The following RIMBP2 variants were observed in gnomAD, a reference collection of about 807,000 sequenced individuals.
The protein encoded by RIMBP2 is RIMS-binding protein 2.
In RIMBP2, 48 loss-of-function variants were observed where a neutral mutation model predicts 118.6. That is an observed-to-expected ratio of 0.40 (90% CI 0.32 to 0.51). The LOEUF (loss-of-function observed/expected upper bound fraction) is 0.51, where lower values mean the gene tolerates loss of function less well. Among genes scored for constraint, RIMBP2 ranks in the 20% least tolerant of loss-of-function variants. The probability of loss-of-function intolerance (pLI) is 0.41; values close to 1 mark genes in which losing one functional copy is unlikely to be tolerated. For missense variants in RIMBP2, 1,551 were observed against 1,768.3 expected, an observed-to-expected ratio of 0.88 and a Z score of 2.20; for synonymous variants, 762 against 742.9, an observed-to-expected ratio of 1.03 and a Z score of -0.42.
intron 2 of RIMBP2, among the ~76,000 whole-genome samples, chr12:130,551,675 A>G (rs1176337511): frequency 6.6e-6 from 1 of 152,224 alleles, no homozygotes; most frequent in Non-Finnish European, 1.5e-5. Flanking sequence ...TCTTGACAAA[A>G]GAAAATGCAC....
chr12:130,700,844 G>A (rs1187479396), intron 1 of RIMBP2, among the ~76,000 whole-genome samples: 1 of 152,206 alleles, frequency 6.6e-6, no homozygotes, highest in Admixed American at 6.5e-5. Context: ...AGCACCTCCT[G>A]TGCACACCTT....
chr12:130,397,203 G>A lies in RIMBP2; in HGVS notation c.*158C>T, dbSNP rs1593147047. 1.6e-5 allele frequency: 6 copies of A among 379,978 alleles called. No individual in the cohort carries two copies. The highest frequency in any genetic ancestry group is 4.1e-5 in the African/African-American group (2 of 48,240). 23.5% of individuals were successfully genotyped at this position (379,978 alleles called of 1,614,324 possible). On this transcript the variant is annotated 3_prime_UTR_variant, in exon 23 of 23. Transcript: ENST00000690449. ...AGAGCAACCGCTCCTCTTTGTTCTC[G>A]TGGTTGGTTTAAAGTGGTTGGTAGT...
At chr12:130,541,055 G>A (rs923089472) in intron 2 of RIMBP2, among the ~76,000 whole-genome samples, 1 of 152,146 alleles carries the variant, frequency 6.6e-6, no homozygotes, top group African/African-American at 2.4e-5. Flanking sequence ...GCTATCACAG[G>A]ATGGAAGAGG....
At chr12:130,481,962 C>T (rs2082055599) in intron 4 of RIMBP2, among the ~76,000 whole-genome samples, 1 of 152,140 alleles carries the variant, frequency 6.6e-6, no homozygotes, top group Non-Finnish European at 1.5e-5. Flanking sequence ...CACCGCCCAC[C>T]ACCAGTTCAC....
intron 1 of RIMBP2, among the ~76,000 whole-genome samples, chr12:130,636,139 C>G (rs1332083506): frequency 1.3e-5 from 2 of 152,182 alleles, no homozygotes; most frequent in Non-Finnish European, 2.9e-5. Flanking sequence ...CTCGGCCAGA[C>G]CTCACACTCG....
chr12:130,456,780 TACGTGTGC>T, intron 6 of RIMBP2, 80 bp from the exon 7 acceptor site: 9 of 1,104,694 alleles, frequency 8.1e-6, no homozygotes, highest in Non-Finnish European at 1.2e-5. Flanking sequence ...ACATGTGTTG[TACGTGTGC>T]ACATGTGCAC....
intron 2 of RIMBP2, among the ~76,000 whole-genome samples, chr12:130,529,921 C>G (rs992075576): frequency 6.6e-6 from 1 of 152,194 alleles, no homozygotes; most frequent in African/African-American, 2.4e-5. Flanking sequence ...AGCGATCATG[C>G]TTATTCGCCT....
Position 130,424,104 on chromosome 12 carries a change from T to C in RIMBP2, c.3129+38A>G. On this transcript the variant is annotated intron_variant, in intron 16 of 22. Coordinates refer to ENST00000690449, the MANE Select transcript of RIMBP2 (RefSeq NM_001393629.1). The surrounding 1 kb of genome is among the most constrained non-coding windows in gnomAD (Gnocchi z 9.8). ...AGTGAAAGGATGGGACAGATTGGTT[T>C]GGCAAGCGGCTGTGAAAAGGAAGTT... 1 of 1,114,752 alleles carries C rather than the reference T, an allele frequency of 9.0e-7. No individual in the cohort carries two copies. Among genetic ancestry groups the C allele is most frequent in the East Asian group, 3.2e-5 (1 of 31,120 alleles). The allele number at this position is 1,114,752 out of a possible 1,614,324, so 69.1% of individuals were successfully genotyped here.
intron 2 of RIMBP2, among the ~76,000 whole-genome samples, chr12:130,521,508 C>T (rs187732791): frequency 3.9e-5 from 6 of 152,350 alleles, no homozygotes; most frequent in Admixed American, 3.9e-4. Context: ...ACCAGCACGT[C>T]AGTCAGATCA....
intron 2 of RIMBP2, among the ~76,000 whole-genome samples, chr12:130,599,730 T>C (rs1208176631): frequency 2.0e-5 from 3 of 152,268 alleles, no homozygotes; most frequent in Admixed American, 1.3e-4. Context: ...TTGTACATAT[T>C]GACAGTTTTA....
In RIMBP2 at chr12:130,621,242, C is replaced by A. The variant is rs906927838; in HGVS notation, c.-217+7080G>T. Among the ~76,000 whole-genome samples, 1 of 152,084 alleles carries A rather than the reference C, an allele frequency of 6.6e-6. No homozygotes were observed. Among genetic ancestry groups the A allele is most frequent in the Non-Finnish European group, 1.5e-5 (1 of 68,012 alleles). On this transcript the variant is annotated intron_variant, in intron 2 of 22. Coordinates refer to ENST00000690449, the MANE Select transcript of RIMBP2 (RefSeq NM_001393629.1). The surrounding 1 kb of genome is among the most constrained non-coding windows in gnomAD (Gnocchi z 6.6). ...GGTGATGGACTCCAGGTGGATCCTC[C>A]CCATGAGAGAAAAGCAGGGGGCACG...
intron 2 of RIMBP2, among the ~76,000 whole-genome samples, chr12:130,573,856 C>T (rs890934127): frequency 6.6e-6 from 1 of 152,108 alleles, no homozygotes; most frequent in Admixed American, 6.5e-5. Flanking sequence ...GAAATCCCAT[C>T]CCCAGCAAGT....
Position 130,622,134 on chromosome 12 carries a change from C to G in RIMBP2, c.-217+6188G>C, listed in dbSNP as rs942293418. On this transcript the variant is annotated intron_variant, in intron 2 of 22. Transcript: ENST00000690449. This position sits in a 1 kb window ranked among gnomAD's most constrained non-coding sequence, Gnocchi z 8.5. ...ATAAAATTAGGCCGAGACAGTTAGT[C>G]TTGGGGTCCTGACCAAAAATGAGCC... Among the ~76,000 whole-genome samples, 1 of 152,194 alleles carries G rather than the reference C, an allele frequency of 6.6e-6. No homozygotes were observed. The highest frequency in any genetic ancestry group is 1.5e-5 in the Non-Finnish European group (1 of 68,042).
Position 130,629,974 on chromosome 12 carries a change from TA to T in RIMBP2, c.-351-1519del, listed in dbSNP as rs33932481. 2.2e-3 allele frequency among the ~76,000 whole-genome samples: 231 copies of T among 104,510 alleles called. 2 individuals are homozygous for T. The highest frequency in any genetic ancestry group is 5.1e-3 in the African/African-American group (143 of 27,980). The allele number at this position is 104,510 out of a possible 152,430, so 68.6% of individuals were successfully genotyped here. On this transcript the variant is annotated intron_variant, in intron 1 of 22. Coordinates refer to ENST00000690449, the MANE Select transcript of RIMBP2 (RefSeq NM_001393629.1). ...ATCATCCAGCCAACCAATCAAGCTT[TA>T]AAAAAAAAAAAAAAAAAGCAACAAG...
intron 2 of RIMBP2, among the ~76,000 whole-genome samples, chr12:130,565,485 T>C (rs906002422): frequency 6.6e-6 from 1 of 152,216 alleles, no homozygotes; most frequent in Non-Finnish European, 1.5e-5. Flanking sequence ...GCACCTACGG[T>C]AGTGCCTGGA....
At chr12:130,441,411 A>AATCATAATAATAATC (rs377315863) in intron 11 of RIMBP2, among the ~76,000 whole-genome samples, 6 of 114,192 alleles carry the variant, frequency 5.3e-5, no homozygotes, top group South Asian at 2.5e-4. Flanking sequence ...AAATAATAAT[A>AATCATAATAATAATC]ATAATAATAA....
At position 130,585,623 on chromosome 12, in the gene RIMBP2, A is replaced by G. The variant is rs1165691847; in HGVS notation, c.-217+42699T>C. Among the ~76,000 whole-genome samples the G allele has an allele frequency of 2.6e-5, 4 of 152,148 alleles. No homozygotes were observed. The East Asian group carries it at 7.7e-4, about 29-fold the overall frequency. ...CGGTGAGACCCTGTCTCAAAAAAAA[A>G]AAAAAAAAGAGGCCAGTTTTTAAAA... On this transcript the variant is annotated intron_variant, in intron 2 of 22. Transcript: ENST00000690449.
chr12:130,441,167 C>T (rs1024494917), intron 11 of RIMBP2, among the ~76,000 whole-genome samples: 6 of 152,186 alleles, frequency 3.9e-5, no homozygotes, highest in Non-Finnish European at 7.4e-5. Flanking sequence ...CTTTGAGAGG[C>T]TGAGGCAGGC....
At chr12:130,543,479 T>C (rs910683862) in intron 2 of RIMBP2, among the ~76,000 whole-genome samples, 1 of 152,028 alleles carries the variant, frequency 6.6e-6, no homozygotes, top group Non-Finnish European at 1.5e-5. Context: ...GCAGAAAAAC[T>C]CAGGCCAGCA....
Sources: gnomAD v4.1 joint callset for allele counts (sites outside exome capture counted in the v4.1 genomes callset) on GRCh38, gnomAD v4.1.1 for gene constraint, Gnocchi (gnomAD v3.1) non-coding constraint, MANE v1.5 for transcripts, NCBI Gene and HGNC (gene_info 2026-07-23, HGNC 2026-07-21) for gene names.